THSD7A: variants seen among roughly 807,000 people sequenced by gnomAD.
THSD7A encodes thrombospondin type-1 domain-containing protein 7A.
A neutral mutation model predicts 231.3 loss-of-function variants in THSD7A; 96 were observed. The ratio of observed to expected loss-of-function variants is 0.41; its 90% CI spans 0.35 to 0.49. The LOEUF (loss-of-function observed/expected upper bound fraction) is 0.49. THSD7A is among the 20% of genes least tolerant of loss of function. The pLI is 0.05. For synonymous variants in THSD7A, 940 were observed against 743.3 expected (o/e 1.26, Z -4.30); for missense variants, 2,290 against 2,070.2 (o/e 1.11, Z -2.06).
At chr7:11,757,387 A>G (rs1456074728) in intron 1 of THSD7A, among the ~76,000 whole-genome samples, 1 of 152,074 alleles carries the variant, frequency 6.6e-6, no homozygotes, top group Non-Finnish European at 1.5e-5. Context: ...GCATTTAGCA[A>G]TGCTACATAC....
chr7:11,623,060 T>G (rs1179210439), intron 2 of THSD7A, among the ~76,000 whole-genome samples: 1 of 152,188 alleles, frequency 6.6e-6, no homozygotes, highest in Non-Finnish European at 1.5e-5. Context: ...CTTCAGTGCT[T>G]TATACTTGCC....
At chr7:11,650,999 C>G (rs1297545377) in intron 1 of THSD7A, among the ~76,000 whole-genome samples, 1 of 151,828 alleles carries the variant, frequency 6.6e-6, no homozygotes, top group African/African-American at 2.4e-5. Context: ...GATAGGCAAG[C>G]AAAATTGACA....
intron 4 of THSD7A, among the ~76,000 whole-genome samples, chr7:11,552,578 C>T (rs931791546): frequency 6.6e-6 from 1 of 152,030 alleles, no homozygotes; most frequent in Non-Finnish European, 1.5e-5. Flanking sequence ...AGTGAGGGTA[C>T]AGAAGTCCTT....
At chr7:11,451,202 A>T (rs1343375531) in intron 11 of THSD7A, among the ~76,000 whole-genome samples, 1 of 152,052 alleles carries the variant, frequency 6.6e-6, no homozygotes, top group African/African-American at 2.4e-5. Context: ...TCAGATTAAA[A>T]GTGACCTAAG....
chr7:11,641,138 T>G (rs1356284259), intron 1 of THSD7A, among the ~76,000 whole-genome samples: 1 of 152,186 alleles, frequency 6.6e-6, no homozygotes, highest in African/African-American at 2.4e-5. Context: ...CTTACTTTGA[T>G]GTTCCTCATT....
At position 11,375,416 on chromosome 7, in the gene THSD7A, C is replaced by A; in HGVS notation, c.*378G>T. ...TGTGGAGATCTTGGTAGAAACTCTT[C>A]ATGCTAGGAAGTTTTATGGATTAAC... On this transcript the variant is annotated 3_prime_UTR_variant, in exon 28 of 28. Coordinates refer to ENST00000423059, the MANE Select transcript of THSD7A (RefSeq NM_015204.3). 2 of 159,026 alleles carry A rather than the reference C, an allele frequency of 1.3e-5. No individual in the cohort carries two copies. The highest frequency in any genetic ancestry group is 1.4e-5 in the Non-Finnish European group (1 of 73,656). 9.9% of individuals were successfully genotyped at this position (159,026 alleles called of 1,614,324 possible).
intron 6 of THSD7A, among the ~76,000 whole-genome samples, chr7:11,510,181 T>C (rs1655756309): frequency 6.6e-6 from 1 of 152,016 alleles, no homozygotes; most frequent in African/African-American, 2.4e-5. Context: ...AAAGAAACTG[T>C]TTTAAATTCC....
At chr7:11,760,374 A>G (rs1002767343) in intron 1 of THSD7A, among the ~76,000 whole-genome samples, 4 of 152,036 alleles carry the variant, frequency 2.6e-5, no homozygotes, top group Non-Finnish European at 4.4e-5. Context: ...GTAGTGGGCA[A>G]AAAAAAGAAA....
intron 23 of THSD7A, chr7:11,385,398 T>C (rs575934384): frequency 3.9e-5 from 6 of 152,220 alleles, no homozygotes; most frequent in African/African-American, 1.4e-4. Flanking sequence ...TCCCCATGTA[T>C]TATGATGTTT....
intron 15 of THSD7A, among the ~76,000 whole-genome samples, chr7:11,425,403 A>G (rs984888012): frequency 2.0e-5 from 3 of 152,178 alleles, no homozygotes; most frequent in Admixed American, 2.0e-4. Flanking sequence ...AAGCCATCTT[A>G]AAACTAATCC....
chr7:11,696,012 T>C (rs1484839676), intron 1 of THSD7A, among the ~76,000 whole-genome samples: 1 of 151,524 alleles, frequency 6.6e-6, no homozygotes, highest in Non-Finnish European at 1.5e-5. Flanking sequence ...GTAAAGATTG[T>C]GATATAATAT....
intron 2 of THSD7A, among the ~76,000 whole-genome samples, chr7:11,597,372 C>T (rs951917215): frequency 1.3e-5 from 2 of 152,178 alleles, no homozygotes; most frequent in Admixed American, 1.3e-4. Context: ...GGCCCATATA[C>T]CGAGTGACCT....
chr7:11,813,714 AAATAATAATAATAATAATAATAAT>A (rs61350544), intron 1 of THSD7A, among the ~76,000 whole-genome samples: 2 of 145,098 alleles, frequency 1.4e-5, no homozygotes, highest in East Asian at 2.0e-4. Context: ...CTCCATCTCA[AAATAATAATAATAATAATAATAAT>A]AATAATAATA....
At chr7:11,478,809 A>G (rs190644413) in intron 7 of THSD7A, among the ~76,000 whole-genome samples, 1 of 152,280 alleles carries the variant, frequency 6.6e-6, no homozygotes, top group African/African-American at 2.4e-5. Context: ...ACACTGATAC[A>G]CAATAAGAAC....
chr7:11,759,916 GA>G (rs1782801235), intron 1 of THSD7A, among the ~76,000 whole-genome samples: 1 of 152,034 alleles, frequency 6.6e-6, no homozygotes, highest in African/African-American at 2.4e-5. Context: ...GAAGTTTGGA[GA>G]AACAGTACAT....
chr7:11,397,702 A>G (rs1317455273), intron 23 of THSD7A, among the ~76,000 whole-genome samples: 1 of 152,224 alleles, frequency 6.6e-6, no homozygotes, highest in Non-Finnish European at 1.5e-5. Context: ...ACTTAAACAA[A>G]TTTACAAGAA....
At chr7:11,678,342 A>T (rs1783724684) in intron 1 of THSD7A, among the ~76,000 whole-genome samples, 1 of 152,180 alleles carries the variant, frequency 6.6e-6, no homozygotes, top group Admixed American at 6.5e-5. Flanking sequence ...AATAACTAAG[A>T]TCAGAGCAGA....
intron 6 of THSD7A, among the ~76,000 whole-genome samples, chr7:11,534,228 T>A (rs562185190): frequency 2.6e-5 from 4 of 152,306 alleles, no homozygotes; most frequent in East Asian, 1.9e-4. Context: ...AGTAAATTAT[T>A]TGCCATAATT....
intron 1 of THSD7A, among the ~76,000 whole-genome samples, chr7:11,824,760 T>C (rs1278623999): frequency 6.6e-6 from 1 of 152,146 alleles, no homozygotes; most frequent in East Asian, 1.9e-4. Context: ...TTAAAATGTA[T>C]TTAAATGATC....
Sources: allele counts gnomAD v4.1 joint callset (sites outside exome capture counted in the v4.1 genomes callset), GRCh38; gene constraint gnomAD v4.1.1; transcripts MANE v1.5; gene names NCBI Gene and HGNC (gene_info 2026-07-23, HGNC 2026-07-21).